Variants in RNF130 observed in about 807,000 individuals in gnomAD.
The protein encoded by RNF130 is ring finger protein 130, also known as E3 ubiquitin-protein ligase RNF130.
RNF130 carries 21 observed loss-of-function variants against 44.6 expected under a neutral mutation model. That is an observed-to-expected ratio of 0.47 (90% CI 0.33 to 0.68). The LOEUF (loss-of-function observed/expected upper bound fraction) is 0.68. RNF130 is among the 30% of genes least tolerant of loss of function. RNF130 has a pLI of 0.02. For synonymous variants in RNF130, 214 were observed against 210.4 expected (o/e 1.02, Z -0.15); for missense variants, 479 against 560.6 (o/e 0.85, Z 1.47).
At chr5:179,926,194 C>T (rs775243137) in intron 7 of RNF130, among the ~76,000 whole-genome samples, 3 of 152,186 alleles carry the variant, frequency 2.0e-5, no homozygotes, top group Non-Finnish European at 4.4e-5. Context: ...ACTACGTAAA[C>T]TCCAGTCATA....
chr5:179,962,539 C>T (rs755153327), intron 8 of RNF130, among the ~76,000 whole-genome samples: 124 of 152,264 alleles, frequency 8.1e-4, no homozygotes, highest in Non-Finnish European at 1.4e-3. Flanking sequence ...CCCAGGGTTG[C>T]TTTCATCTCT....
chr5:179,950,694 T>A (rs960748263), downstream of RNF130, among the ~76,000 whole-genome samples: 5 of 152,206 alleles, frequency 3.3e-5, no homozygotes, highest in Admixed American at 2.0e-4. Context: ...AAATTCTCTA[T>A]CTGGCCTTGA....
chr5:179,939,777 T>C, intron 7 of RNF130: 1 of 419,230 alleles, frequency 2.4e-6, no homozygotes. Context: ...ACTCCTTTGA[T>C]TCCCAAAAAA....
chr5:179,932,414 C>T (rs1369198596), intron 7 of RNF130, among the ~76,000 whole-genome samples: 2 of 151,974 alleles, frequency 1.3e-5, no homozygotes, highest in South Asian at 2.1e-4. Context: ...TGCGCCACCA[C>T]TCCCGGCTGA....
intron 7 of RNF130, among the ~76,000 whole-genome samples, chr5:179,935,698 A>T (rs1342994637): frequency 6.6e-6 from 1 of 151,452 alleles, no homozygotes; most frequent in Non-Finnish European, 1.5e-5. Context: ...ACTTTTTGTT[A>T]TTACAGTTTT....
intron 8 of RNF130, among the ~76,000 whole-genome samples, chr5:179,960,155 A>G (rs1248865851): frequency 6.6e-6 from 1 of 152,244 alleles, no homozygotes; most frequent in Non-Finnish European, 1.5e-5. Flanking sequence ...TGAATAGCCA[A>G]GTAGAGCAGA....
At chr5:180,019,107 G>A (rs184319777) in intron 2 of RNF130, among the ~76,000 whole-genome samples, 60 of 152,290 alleles carry the variant, frequency 3.9e-4, no homozygotes, top group African/African-American at 1.2e-3. Context: ...CTTTGAGGCC[G>A]GGCGGGGTGG....
At chr5:180,070,488 T>C (rs550683410) in intron 1 of RNF130, among the ~76,000 whole-genome samples, 28 of 152,152 alleles carry the variant, frequency 1.8e-4, no homozygotes, top group African/African-American at 6.7e-4. Context: ...ATCTTAAGAG[T>C]GTACAAGCAA....
downstream of RNF130, among the ~76,000 whole-genome samples, chr5:179,950,132 A>G (rs1762104039): frequency 6.6e-6 from 1 of 151,174 alleles, no homozygotes; most frequent in Non-Finnish European, 1.5e-5. Flanking sequence ...TTTTTTCTTG[A>G]GATAGAGTCT....
At chr5:179,943,205 T>G (rs1333205348) in intron 7 of RNF130, among the ~76,000 whole-genome samples, 2 of 152,014 alleles carry the variant, frequency 1.3e-5, no homozygotes, top group Non-Finnish European at 2.9e-5. Flanking sequence ...AGAAAAAAAG[T>G]CTTCCTTTGG....
At chr5:179,923,267 A>G (rs927043365) in intron 7 of RNF130, among the ~76,000 whole-genome samples, 1 of 152,080 alleles carries the variant, frequency 6.6e-6, no homozygotes, top group Non-Finnish European at 1.5e-5. Flanking sequence ...TGGATATCCA[A>G]TTGTTCCGTC....
chr5:179,926,107 T>TG (rs1329542966), intron 7 of RNF130, among the ~76,000 whole-genome samples: 1 of 152,180 alleles, frequency 6.6e-6, no homozygotes. Context: ...ACTTAGGGTC[T>TG]GGTAGGGGTT....
At chr5:179,935,640 C>G (rs1424404895) in intron 7 of RNF130, among the ~76,000 whole-genome samples, 2 of 152,042 alleles carry the variant, frequency 1.3e-5, no homozygotes, top group African/African-American at 4.8e-5. Context: ...GCTTGGCTCG[C>G]TGGTCCTATA....
chr5:179,934,691 C>T (rs929119495), intron 7 of RNF130, among the ~76,000 whole-genome samples: 5 of 151,674 alleles, frequency 3.3e-5, no homozygotes, highest in Admixed American at 6.6e-5. Context: ...CACAGGTGTG[C>T]GCCACCACAT....
rs1268947878 is a variant in RNF130, at chr5:179,937,933, T to TGTGTGTGAGAGAGAGA, written c.1151-17508_1151-17507insTCTCTCTCTCACACAC. On this transcript the variant is annotated intron_variant, in intron 7 of 7. Coordinates refer to the RNF130 transcript ENST00000522208. The stretch of plus-strand genomic sequence containing the variant: ...GTGTGTGTGTGTGTGTGTGTGTGTG[T>TGTGTGTGAGAGAGAGA]GAGAGAGAGAGAGAGAGAGAGAGAG... Among the ~76,000 whole-genome samples, 16 of 116,292 alleles carry TGTGTGTGAGAGAGAGA rather than the reference T, an allele frequency of 1.4e-4. No homozygotes were observed. The East Asian group carries it at 2.7e-3, about 20-fold the overall frequency. The allele number at this position is 116,292 out of a possible 152,430, so 76.3% of individuals were successfully genotyped here. A position where few individuals can be genotyped will look rare whatever the true frequency, so the allele number is the denominator to read the frequency against.
chr5:180,040,606 C>T lies in RNF130; in HGVS notation c.289G>A (p.Val97Ile), dbSNP rs777836624. 3.7e-6 allele frequency: 6 copies of T among 1,614,068 alleles called. No homozygotes were observed. Among genetic ancestry groups the T allele is most frequent in the East Asian group, 2.2e-5 (1 of 44,880 alleles). The change falls in exon 2 of 9, where the codon GTC becomes ATC. Residue 97 changes from valine to isoleucine, a missense_variant. Val to Ile is a conservative substitution (Grantham distance 29). Coordinates refer to ENST00000521389, the MANE Select transcript of RNF130 (RefSeq NM_018434.6). ...ATCCACTGTTTGATATTAGGAGGGA[C>T]AAAGAACCGGGTTTGTGGATCACAG... ...LGCDPQTRFF[V>I]PPNIKQWIAL...
At position 180,008,110 on chromosome 5, in the gene RNF130, C is replaced by G. The variant is rs1763504233; in HGVS notation, c.693+4951G>C. 3.3e-5 allele frequency among the ~76,000 whole-genome samples: 5 copies of G among 151,694 alleles called. 1 individual carries two copies. The South Asian group carries it at 1.0e-3, about 32-fold the overall frequency. The stretch of plus-strand genomic sequence containing the variant: ...TGGCTTCCAAGCTTCCTTACTTCCC[C>G]CATAGATTCCTGACAATGTGCTGCA... On this transcript the variant is annotated intron_variant, in intron 3 of 8. Transcript: ENST00000521389.
rs565656514 is a variant in RNF130, at chr5:180,046,115, C to T, written c.248-5468G>A. ...CTGAGGCCCCACGAGAATCTGTGCG[C>T]GGTGGACCGCGGCGCGTGCAGGCCC... On this transcript the variant is annotated intron_variant, in intron 1 of 8. Transcript: ENST00000521389. Among the ~76,000 whole-genome samples, 239 of 152,314 alleles carry T rather than the reference C, an allele frequency of 1.6e-3. 2 individuals carry two copies. Among genetic ancestry groups the T allele is most frequent in the African/African-American group, 5.4e-3 (223 of 41,582 alleles).
At position 180,042,500 on chromosome 5, in the gene RNF130, T is replaced by C. The variant is rs115544989; in HGVS notation, c.248-1853A>G. 6.1e-3 allele frequency among the ~76,000 whole-genome samples: 933 copies of C among 152,310 alleles called. 11 individuals are homozygous for C. The highest frequency in any genetic ancestry group is 0.021 in the African/African-American group (887 of 41,552). On this transcript the variant is annotated intron_variant, in intron 1 of 8. Coordinates refer to ENST00000521389, the MANE Select transcript of RNF130 (RefSeq NM_018434.6). ...GTCAACTATTGAAAGACACAGACGA[T>C]GCACTATAAAACTTTAAAATCCTGA...
Sources: gnomAD v4.1 joint callset for allele counts (sites outside exome capture counted in the v4.1 genomes callset) on GRCh38, gnomAD v4.1.1 for gene constraint, MANE v1.5 for transcripts, NCBI Gene and HGNC (gene_info 2026-07-23, HGNC 2026-07-21) for gene names.